The following HIP1 variants were observed in gnomAD, a reference collection of about 807,000 sequenced individuals.
HIP1 encodes huntingtin interacting protein 1.
In HIP1, 65 loss-of-function variants were observed where a neutral mutation model predicts 147.6. That is an observed-to-expected ratio of 0.44 (90% CI 0.36 to 0.54). The LOEUF is 0.54. Among genes scored for constraint, HIP1 ranks in the 20% least tolerant of loss-of-function variants. The probability of loss-of-function intolerance (pLI) is 0.00; values close to 1 mark genes in which losing one functional copy is unlikely to be tolerated. For missense variants in HIP1, 1,061 were observed against 1,299.6 expected, an observed-to-expected ratio of 0.82 and a Z score of 2.82; for synonymous variants, 479 against 504.0, an observed-to-expected ratio of 0.95 and a Z score of 0.67.
intron 1 of HIP1, among the ~76,000 whole-genome samples, chr7:75,738,505 C>T (rs1166414531): frequency 2.0e-5 from 3 of 152,094 alleles, no homozygotes; most frequent in African/African-American, 4.8e-5. Flanking sequence ...GTTCCTTCCC[C>T]TCTCACCTCA....
intron 1 of HIP1, among the ~76,000 whole-genome samples, chr7:75,681,314 G>A (rs973236862): frequency 6.6e-6 from 1 of 151,966 alleles, no homozygotes; most frequent in Non-Finnish European, 1.5e-5. Flanking sequence ...CCTGCAATAA[G>A]AAGCATCTTC....
chr7:75,695,574 T>TTTGTTG (rs3216945), intron 1 of HIP1, among the ~76,000 whole-genome samples: 2 of 148,606 alleles, frequency 1.3e-5, no homozygotes, highest in African/African-American at 5.1e-5. Context: ...ACCAGTTTTT[T>TTTGTTG]TTGTTGTTGT....
chr7:75,722,200 C>T (rs1353198530), intron 1 of HIP1, among the ~76,000 whole-genome samples: 3 of 152,126 alleles, frequency 2.0e-5, no homozygotes, highest in Non-Finnish European at 4.4e-5. Flanking sequence ...GTCCCAGCTA[C>T]TTGCGAGGCT....
intron 29 of HIP1, among the ~76,000 whole-genome samples, chr7:75,539,989 T>C (rs1247430069): frequency 6.6e-6 from 1 of 152,244 alleles, no homozygotes; most frequent in Non-Finnish European, 1.5e-5. Context: ...GCAAATATGA[T>C]GGTTCTGATA....
intron 1 of HIP1, among the ~76,000 whole-genome samples, chr7:75,671,522 C>T (rs1162735364): frequency 6.6e-6 from 1 of 152,132 alleles, no homozygotes; most frequent in Non-Finnish European, 1.5e-5. Context: ...CTGCTATGAA[C>T]GTGGATGTAC....
At chr7:75,574,395 C>T (rs879975524) in intron 7 of HIP1, among the ~76,000 whole-genome samples, 12 of 150,350 alleles carry the variant, frequency 8.0e-5, no homozygotes, top group African/African-American at 2.9e-4. Flanking sequence ...TCGAGACCAG[C>T]CTCTCCAACA....
At chr7:75,728,895 A>T (rs1031964539) in intron 1 of HIP1, among the ~76,000 whole-genome samples, 1 of 150,432 alleles carries the variant, frequency 6.6e-6, no homozygotes, top group Non-Finnish European at 1.5e-5. Context: ...AGTTTTTGAA[A>T]AAGGGCAGTT....
rs587767898 is a variant in HIP1, at chr7:75,561,650, C to T, written c.1119-249G>A. ...GACATTCCTTTTTTGTGTGTGTTTTCGGTTTTGTTTTAGAGACAGTCTGGC... is the reference window on the plus strand; with the variant it reads ...GACATTCCTTTTTTGTGTGTGTTTTTGGTTTTGTTTTAGAGACAGTCTGGC... On this transcript the variant is annotated intron_variant, in intron 12 of 30. Coordinates refer to ENST00000336926, the MANE Select transcript of HIP1 (RefSeq NM_005338.7). 4.6e-5 allele frequency among the ~76,000 whole-genome samples: 7 copies of T among 152,094 alleles called. No individual in the cohort carries two copies. The South Asian group carries it at 6.2e-4, about 14-fold the overall frequency.
chr7:75,536,496 G>A lies in HIP1; in HGVS notation c.*1676C>T. ...CCACCAATGAGTTGCTATAGATAAA[G>A]AAGGAAGACGCTGTTTTTCCAAGAT... On this transcript the variant is annotated 3_prime_UTR_variant, in exon 31 of 31. Transcript: ENST00000336926. 4.3e-6 allele frequency: 1 copy of A among 230,108 alleles called. No homozygotes were observed. The highest frequency in any genetic ancestry group is 8.6e-6 in the Non-Finnish European group (1 of 115,890). 14.3% of individuals were successfully genotyped at this position (230,108 alleles called of 1,614,324 possible). A position where few individuals can be genotyped will look rare whatever the true frequency, so the allele number is the denominator to read the frequency against.
intron 1 of HIP1, among the ~76,000 whole-genome samples, chr7:75,653,860 G>A (rs969481720): frequency 2.6e-5 from 4 of 152,116 alleles, no homozygotes; most frequent in Non-Finnish European, 4.4e-5. Flanking sequence ...TGCCTGGCAT[G>A]GAGCAGACAC....
intron 1 of HIP1, among the ~76,000 whole-genome samples, chr7:75,688,425 G>A (rs1800337437): frequency 6.6e-6 from 1 of 152,070 alleles, no homozygotes; most frequent in South Asian, 2.1e-4. Context: ...TGCGTCTGCA[G>A]GGGGTGGGGG....
intron 2 of HIP1, among the ~76,000 whole-genome samples, chr7:75,592,785 C>A (rs1446835814): frequency 1.3e-5 from 2 of 152,158 alleles, no homozygotes; most frequent in Non-Finnish European, 2.9e-5. Flanking sequence ...AGTTTTAGGG[C>A]AGATGGGAAT....
intron 1 of HIP1, among the ~76,000 whole-genome samples, chr7:75,718,217 T>C: frequency 6.6e-6 from 1 of 151,866 alleles, no homozygotes; most frequent in Non-Finnish European, 1.5e-5. Context: ...TAGCTTAGCA[T>C]GGTGGTGCAC....
rs1802114537 is a variant in HIP1 at position 75,738,885 on chromosome 7, G to A, written c.36C>T (p.Pro12=). ...DRMASSMKQV[P]NPLPKVLSRR... The stretch of plus-strand genomic sequence containing the variant: ...GGCTCAGCACCTTGGGCAGTGGGTT[G>A]GGCACCTGCTTCATGGAGCTGGCCA... Residue 12 remains proline (P), a synonymous_variant, in exon 1 of 31, where the codon CCC becomes CCT. Coordinates refer to ENST00000336926, the MANE Select transcript of HIP1 (RefSeq NM_005338.7). 7.0e-6 allele frequency: 11 copies of A among 1,567,944 alleles called. No homozygotes were observed. The East Asian group carries it at 2.7e-4, about 38-fold the overall frequency.
In HIP1 at chr7:75,538,073, G is replaced by T; in HGVS notation, c.*99C>A. Reference sequence around the variant, plus strand: ...ACTGGGTAATGGCAGTGGTGTGGCTGCCCCTGGGACTCCAAGGATTTGGCC... The same window carrying T: ...ACTGGGTAATGGCAGTGGTGTGGCTTCCCCTGGGACTCCAAGGATTTGGCC... On this transcript the variant is annotated 3_prime_UTR_variant, in exon 31 of 31. Coordinates refer to ENST00000336926, the MANE Select transcript of HIP1 (RefSeq NM_005338.7). 1.1e-6 allele frequency: 1 copy of T among 937,974 alleles called. No homozygotes were observed. Among genetic ancestry groups the T allele is most frequent in the Non-Finnish European group, 1.8e-6 (1 of 564,418 alleles). 58.1% of individuals were successfully genotyped at this position (937,974 alleles called of 1,614,324 possible).
intron 1 of HIP1, among the ~76,000 whole-genome samples, chr7:75,638,747 C>T (rs1326853028): frequency 6.6e-6 from 1 of 152,034 alleles, no homozygotes; most frequent in Non-Finnish European, 1.5e-5. Context: ...CCCTCCCTCC[C>T]GTCCGGCAGG....
At chr7:75,713,212 A>G (rs1306642532) in intron 1 of HIP1, among the ~76,000 whole-genome samples, 2 of 152,216 alleles carry the variant, frequency 1.3e-5, no homozygotes, top group African/African-American at 4.8e-5. Context: ...TGTGGGCAGA[A>G]GAAACAGCCA....
chr7:75,573,066 G>A (rs1386940082), intron 8 of HIP1, among the ~76,000 whole-genome samples: 1 of 152,144 alleles, frequency 6.6e-6, no homozygotes, highest in Non-Finnish European at 1.5e-5. Context: ...GGGCCGGGCT[G>A]CCAATCCCAC....
intron 1 of HIP1, chr7:75,611,929 G>T: frequency 1.0e-6 from 1 of 969,924 alleles, no homozygotes; most frequent in Non-Finnish European, 1.2e-6. Flanking sequence ...GCCTGGGACA[G>T]CCCAGCCAGG....
Sources: allele counts gnomAD v4.1 joint callset (sites outside exome capture counted in the v4.1 genomes callset), GRCh38; gene constraint gnomAD v4.1.1; transcripts MANE v1.5; gene names NCBI Gene and HGNC (gene_info 2026-07-23, HGNC 2026-07-21).